Variants in ZNF675 observed in about 807,000 individuals in gnomAD.
The protein encoded by ZNF675 is zinc finger protein 675, also known as TRAF6 inhibitory zinc finger.
Under a neutral mutation model 56.1 loss-of-function variants are expected in ZNF675, and 36 were observed. The observed-to-expected ratio is 0.64, with a 90% confidence interval of 0.49 to 0.85. ZNF675 has a LOEUF of 0.85. Ranked by LOEUF, ZNF675 falls within the 40% of genes least tolerant of loss-of-function variation. The pLI is 0.00. For missense variants in ZNF675, 663 were observed against 654.2 expected (o/e 1.01, Z -0.15); for synonymous variants, 200 against 218.9 (o/e 0.91, Z 0.76).
chr19:23,676,800 C>T (rs796810599), intron 1 of ZNF675, among the ~76,000 whole-genome samples: 22 of 151,754 alleles, frequency 1.4e-4, no homozygotes, highest in African/African-American at 3.6e-4. Context: ...GACGGCCGGG[C>T]GCGGTGGCTC....
chr19:23,682,016 G>C (rs1568296615), intron 1 of ZNF675, among the ~76,000 whole-genome samples: 1 of 8,396 alleles, frequency 1.2e-4, no homozygotes, highest in Non-Finnish European at 3.4e-3. Flanking sequence ...TGACTTAGAT[G>C]GTGCTCTCTC....
At chr19:23,680,908 T>G (rs1187775183) in intron 1 of ZNF675, among the ~76,000 whole-genome samples, 4 of 151,826 alleles carry the variant, frequency 2.6e-5, no homozygotes, top group Non-Finnish European at 5.9e-5. Flanking sequence ...CCATGCTTAG[T>G]ACCTCAGTGA....
chr19:23,660,321 A>G (rs747010396), intron 3 of ZNF675, among the ~76,000 whole-genome samples: 3 of 152,228 alleles, frequency 2.0e-5, no homozygotes, highest in Non-Finnish European at 4.4e-5. Context: ...ATGCCAATGC[A>G]AAACTATATT....
intron 1 of ZNF675, among the ~76,000 whole-genome samples, chr19:23,672,780 G>A (rs1355749412): frequency 6.6e-6 from 1 of 152,182 alleles, no homozygotes; most frequent in African/African-American, 2.4e-5. Flanking sequence ...CAAGCTTGAG[G>A]ATTATAACAT....
chr19:23,677,218 C>A (rs1016891719), intron 1 of ZNF675, among the ~76,000 whole-genome samples: 4 of 151,528 alleles, frequency 2.6e-5, no homozygotes. Flanking sequence ...TAAAAGCACC[C>A]AAAAAGAAAG....
chr19:23,654,729 ATTACT>A (rs1373750260), intron 3 of ZNF675, 23 bp from the exon 4 acceptor site: 6 of 1,491,562 alleles, frequency 4.0e-6, no homozygotes, highest in Non-Finnish European at 5.4e-6. Context: ...AAAATAACAC[ATTACT>A]TTACAGACTC....
rs765004433 is a variant in ZNF675 at position 23,654,607 on chromosome 19, T to C, written c.326A>G (p.Asp109Gly). 14 of 1,611,916 alleles carry C rather than the reference T, an allele frequency of 8.7e-6. No individual in the cohort carries two copies. In the Admixed American group the frequency reaches 2.3e-4, roughly 27 times the overall value. Residue 109 changes from aspartate to glycine, a missense_variant, in exon 4 of 4, where the codon GAT becomes GGT. Physicochemically the swap from Asp to Gly is moderately conservative, Grantham distance 94 (BLOSUM62 -1). Around this residue, in one of 3 missense-constraint regions of ZNF675, gnomAD observed 617 missense variants for 590.5 expected, o/e 1.04. Coordinates refer to ENST00000359788, the MANE Select transcript of ZNF675 (RefSeq NM_138330.3). ...TTTACAGCCTTTTAACTGAAAATTATCATTTCCACATTTTTCATATCTTCT... is the reference window on the plus strand; with the variant it reads ...TTTACAGCCTTTTAACTGAAAATTACCATTTCCACATTTTTCATATCTTCT... ...TLRRYEKCGN[D>G]NFQLKGCKSV... is the part of the protein sequence containing the mutation.
intron 1 of ZNF675, among the ~76,000 whole-genome samples, chr19:23,680,905 T>C (rs1419208085): frequency 6.6e-6 from 1 of 151,802 alleles, no homozygotes; most frequent in African/African-American, 2.4e-5. Flanking sequence ...GTGCCATGCT[T>C]AGTACCTCAG....
chr19:23,684,013 G>A (rs903955886), intron 1 of ZNF675, among the ~76,000 whole-genome samples: 3 of 152,058 alleles, frequency 2.0e-5, no homozygotes, highest in East Asian at 1.9e-4. Context: ...TGTAATCCCA[G>A]CACTTTGGGA....
chr19:23,654,227 T>C lies in ZNF675; in HGVS notation c.706A>G (p.Thr236Ala). The change falls in exon 4 of 4, where the codon ACT becomes GCT. Residue 236 changes from threonine (T) to alanine (A), a missense_variant. This residue lies in a region of ZNF675 where 617 missense variants were observed against 590.5 expected (regional missense o/e 1.04). Transcript: ENST00000359788. Reference sequence around the variant, plus strand: ...GTAAGGTTTGAGAATTGGTTAAAAGTTCTGTCACATTCTTGACATTTGTAG... The same window carrying C: ...GTAAGGTTTGAGAATTGGTTAAAAGCTCTGTCACATTCTTGACATTTGTAG... ...KLYKCQECDR[T>A]FNQFSNLTEY... 6.2e-7 allele frequency: 1 copy of C among 1,613,968 alleles called. No homozygotes were observed. Among genetic ancestry groups the C allele is most frequent in the Non-Finnish European group, 8.5e-7 (1 of 1,179,942 alleles).
chr19:23,685,394 T>A (rs1423507140), intron 1 of ZNF675, among the ~76,000 whole-genome samples: 1 of 152,188 alleles, frequency 6.6e-6, no homozygotes, highest in African/African-American at 2.4e-5. Flanking sequence ...GTAGATTATA[T>A]TCACTAGACA....
chr19:23,677,829 GT>G (rs1436431529), intron 1 of ZNF675, among the ~76,000 whole-genome samples: 1 of 150,484 alleles, frequency 6.6e-6, no homozygotes, highest in African/African-American at 2.5e-5. Context: ...TCTTAAAGAA[GT>G]CAGAGATGGC....
rs566731058 is a variant in ZNF675, at chr19:23,657,337, A to G, written c.227-2631T>C. Among the ~76,000 whole-genome samples, 86 of 152,334 alleles carry G rather than the reference A, an allele frequency of 5.6e-4. No individual in the cohort carries two copies. The South Asian group carries it at 9.9e-3, about 18-fold the overall frequency. ...AAATGGAAAAAATACAGAATTATAA[A>G]TCTTTACATGAATTACCTTCAAATC... On this transcript the variant is annotated intron_variant, in intron 3 of 3. Coordinates refer to ENST00000359788, the MANE Select transcript of ZNF675 (RefSeq NM_138330.3).
chr19:23,656,920 A>C (rs747515462), intron 3 of ZNF675: 2 of 152,192 alleles, frequency 1.3e-5, no homozygotes, highest in Non-Finnish European at 2.9e-5. Flanking sequence ...CAATACAAAT[A>C]TACTAAACAT....
chr19:23,678,569 TAA>T (rs112040202), intron 1 of ZNF675, among the ~76,000 whole-genome samples: 5 of 142,670 alleles, frequency 3.5e-5, no homozygotes, highest in Admixed American at 3.5e-4. Flanking sequence ...ATTCTTAACT[TAA>T]AAAAAAAAAA....
rs961799490 is a variant in ZNF675, at chr19:23,653,394, A to C, written c.1539T>G (p.Cys513Trp). ...TTGAGGATCGGCTAAAAGCTTTGCC[A>C]CATTCTTCACATTTGTAGGGTTTCT... Reference protein sequence around the residue: ...TGEKPYKCEECGKAFSRSSKL... With the variant: ...TGEKPYKCEEWGKAFSRSSKL... Residue 513 changes from cysteine (C) to tryptophan (W), a missense_variant, in exon 4 of 4, where the codon TGT becomes TGG. Transcript: ENST00000359788. 1 of 1,613,206 alleles carries C rather than the reference A, an allele frequency of 6.2e-7. No homozygotes were observed. Among genetic ancestry groups the C allele is most frequent in the Non-Finnish European group, 8.5e-7 (1 of 1,179,734 alleles).
chr19:23,674,933 G>A (rs1968276783), intron 1 of ZNF675, among the ~76,000 whole-genome samples: 1 of 149,912 alleles, frequency 6.7e-6, no homozygotes, highest in African/African-American at 2.5e-5. Flanking sequence ...GATCATGCCA[G>A]TGCACTCCAG....
chr19:23,683,553 C>T (rs188453448), intron 1 of ZNF675, among the ~76,000 whole-genome samples: 172 of 152,240 alleles, frequency 1.1e-3, no homozygotes, highest in African/African-American at 3.7e-3. Flanking sequence ...TCCCAAGTAG[C>T]TGGGACTACA....
Position 23,663,088 on chromosome 19 carries a change from T to A in ZNF675, c.74A>T (p.Gln25Leu). 1 of 1,609,774 alleles carries A rather than the reference T, an allele frequency of 6.2e-7. No individual in the cohort carries two copies. The highest frequency in any genetic ancestry group is 8.5e-7 in the Non-Finnish European group (1 of 1,178,376). ...AATCACATTTTTATATAAATTCCGC[T>A]GTGCAGTGTCCAGGCATTGCCATTC... ...LEEWQCLDTA[Q>L]RNLYKNVILE... is the part of the protein sequence containing the mutation. The change falls in exon 2 of 4, where the codon CAG becomes CTG. Residue 25 changes from glutamine (Q) to leucine (L), a missense_variant. By Grantham distance (113) the Gln-to-Leu change is moderately radical (BLOSUM62 -2). Around this residue, in one of 3 missense-constraint regions of ZNF675, gnomAD observed 33 missense variants for 31.8 expected, o/e 1.04. Transcript: ENST00000359788.
Sources: allele counts gnomAD v4.1 joint callset (sites outside exome capture counted in the v4.1 genomes callset), GRCh38; gene constraint gnomAD v4.1.1; regional missense constraint gnomAD v4.1.1; transcripts MANE v1.5; gene names NCBI Gene and HGNC (gene_info 2026-07-23, HGNC 2026-07-21).